The following SPINK1 variants were observed in gnomAD, a reference collection of about 807,000 sequenced individuals.
SPINK1 encodes serine peptidase inhibitor Kazal type 1, also known as serine protease inhibitor Kazal-type 1.
A neutral mutation model predicts 9.5 loss-of-function variants in SPINK1; 5 were observed. The ratio of observed to expected loss-of-function variants is 0.52; its 90% confidence interval spans 0.27 to 1.10. The LOEUF (loss-of-function observed/expected upper bound fraction) is 1.10. SPINK1 is among the 50% of genes least tolerant of loss of function. The pLI is 0.11. For synonymous variants in SPINK1, 37 were observed against 32.3 expected (o/e 1.14, Z -0.49); for missense variants, 88 against 92.7 (o/e 0.95, Z 0.21).
chr5:147,837,268 A>C, the SPINK1 span, among the ~76,000 whole-genome samples: 2 of 152,208 alleles, frequency 1.3e-5, no homozygotes, highest in Non-Finnish European at 2.9e-5. Flanking sequence ...ATTATCCTTA[A>C]ATCATCTCTT....
At chr5:147,834,850 G>A (rs1056885253), upstream of SPINK1, among the ~76,000 whole-genome samples, 1 of 152,106 alleles carries the variant, frequency 6.6e-6, no homozygotes, top group Admixed American at 6.5e-5. Flanking sequence ...TGCATTATAT[G>A]TAGATATGTG....
the SPINK1 span, among the ~76,000 whole-genome samples, chr5:147,838,467 G>A: frequency 6.6e-6 from 1 of 152,018 alleles, no homozygotes; most frequent in African/African-American, 2.4e-5. Context: ...AACCTCTTAT[G>A]TCTTATTAAT....
Position 147,831,617 on chromosome 5 carries a change from C to G in SPINK1, c.-40G>C. On this transcript the variant is annotated 5_prime_UTR_variant, in exon 1 of 4. Coordinates refer to ENST00000296695, the MANE Select transcript of SPINK1 (RefSeq NM_001379610.1). ...GTCCAGAGGTCAGTTGAAAACTGCACCGCACTTACCACGTCTCTTCAGAAG... is the reference window on the plus strand; with the variant it reads ...GTCCAGAGGTCAGTTGAAAACTGCAGCGCACTTACCACGTCTCTTCAGAAG... 6.2e-7 allele frequency: 1 copy of G among 1,611,354 alleles called. No individual in the cohort carries two copies. Among genetic ancestry groups the G allele is most frequent in the Non-Finnish European group, 8.5e-7 (1 of 1,179,070 alleles).
upstream of SPINK1, among the ~76,000 whole-genome samples, chr5:147,835,499 A>G (rs893217570): frequency 6.6e-6 from 1 of 152,128 alleles, no homozygotes. Flanking sequence ...ATGTGTTTAC[A>G]TTGCTCAACC....
At chr5:147,825,152 A>G (rs2127130100) in intron 3 of SPINK1, among the ~76,000 whole-genome samples, 1 of 152,316 alleles carries the variant, frequency 6.6e-6, no homozygotes, top group Middle Eastern at 3.4e-3. Flanking sequence ...TCACAAAAGT[A>G]AATCACATAT....
chr5:147,835,890 C>A (rs1464827331), upstream of SPINK1, among the ~76,000 whole-genome samples: 1 of 152,114 alleles, frequency 6.6e-6, no homozygotes, highest in African/African-American at 2.4e-5. Context: ...TAGGGAACTT[C>A]ATGGCTTTTC....
chr5:147,837,712 T>TCTTTCTTC, the SPINK1 span, among the ~76,000 whole-genome samples: 1 of 147,256 alleles, frequency 6.8e-6, no homozygotes, highest in Non-Finnish European at 1.5e-5. Context: ...TTTCTTTCTT[T>TCTTTCTTC]CTTTTTTGGG....
chr5:147,836,733 C>T, the SPINK1 span, among the ~76,000 whole-genome samples: 1 of 152,172 alleles, frequency 6.6e-6, no homozygotes, highest in African/African-American at 2.4e-5. Context: ...CTTTCTTGGT[C>T]ATTTCCCGCC....
At chr5:147,835,557 T>G (rs4705204), upstream of SPINK1, among the ~76,000 whole-genome samples, 33,088 of 151,944 alleles carry the variant, frequency 0.22, 3,946 homozygotes, top group East Asian at 0.54. Flanking sequence ...AGTACATATT[T>G]ATGCATGTCT....
intron 3 of SPINK1, among the ~76,000 whole-genome samples, chr5:147,824,983 C>T (rs1004395445): frequency 1.3e-5 from 2 of 151,952 alleles, no homozygotes; most frequent in Non-Finnish European, 2.9e-5. Context: ...TACAGTGAAC[C>T]CCTGAAATTA....
At chr5:147,834,380 T>C (rs1382340212), upstream of SPINK1, among the ~76,000 whole-genome samples, 3 of 152,182 alleles carry the variant, frequency 2.0e-5, no homozygotes, top group Non-Finnish European at 4.4e-5. Flanking sequence ...ACTATTAATA[T>C]ATTCAAATAT....
Position 147,824,626 on chromosome 5 carries a change from C to T in SPINK1, c.*35G>A, listed in dbSNP as rs752062590. 9 of 1,609,004 alleles carry T rather than the reference C, an allele frequency of 5.6e-6. No individual in the cohort carries two copies. Among genetic ancestry groups the T allele is most frequent in the East Asian group, 4.5e-5 (2 of 44,832 alleles). Reference sequence around the variant, plus strand: ...TTCAACAATAAGGCCAGTCAGGCCTCGCGGTGACCTGATGGGATTTCAAAA... The same window carrying T: ...TTCAACAATAAGGCCAGTCAGGCCTTGCGGTGACCTGATGGGATTTCAAAA... On this transcript the variant is annotated 3_prime_UTR_variant, in exon 4 of 4. Coordinates refer to ENST00000296695, the MANE Select transcript of SPINK1 (RefSeq NM_001379610.1).
At chr5:147,831,970 A>G (rs1271627590), upstream of SPINK1, among the ~76,000 whole-genome samples, 1 of 152,246 alleles carries the variant, frequency 6.6e-6, no homozygotes, top group Non-Finnish European at 1.5e-5. Flanking sequence ...ATAGATGAGC[A>G]GGTATGGATA....
chr5:147,831,818 A>G (rs1224620846), upstream of SPINK1: 1 of 1,382,530 alleles, frequency 7.2e-7, no homozygotes, highest in African/African-American at 1.5e-5. Context: ...CATGCAAGGC[A>G]AAGATTCTGT....
upstream of SPINK1, among the ~76,000 whole-genome samples, chr5:147,836,007 C>T (rs374374121): frequency 7.9e-5 from 12 of 152,086 alleles, no homozygotes; most frequent in East Asian, 9.7e-4. Flanking sequence ...GTCTGTGGTG[C>T]TTGATGCAAT....
At chr5:147,833,662 C>T (rs78661818), upstream of SPINK1, among the ~76,000 whole-genome samples, 4,418 of 152,208 alleles carry the variant, frequency 0.029, 235 homozygotes, top group African/African-American at 0.1. Context: ...TCCTTTCCCC[C>T]TGGGTTTCTG....
At chr5:147,828,277 G>A in intron 2 of SPINK1, 149 bp from the exon 3 acceptor site, 1 of 742,940 alleles carries the variant, frequency 1.3e-6, no homozygotes, top group Non-Finnish European at 2.3e-6. Context: ...CTACTATCTG[G>A]AGACAGAAAA....
chr5:147,832,950 A>G (rs1383661633), upstream of SPINK1, among the ~76,000 whole-genome samples: 5 of 152,244 alleles, frequency 3.3e-5, no homozygotes, highest in Admixed American at 3.3e-4. Flanking sequence ...CAAGTGACAA[A>G]AAATAATAAG....
At chr5:147,829,956 CT>C (rs1338281660) in intron 1 of SPINK1, among the ~76,000 whole-genome samples, 1 of 152,164 alleles carries the variant, frequency 6.6e-6, no homozygotes, top group East Asian at 1.9e-4. Context: ...AGCAAATTAT[CT>C]TTTGAATACT....
Sources: allele counts gnomAD v4.1 joint callset (sites outside exome capture counted in the v4.1 genomes callset), GRCh38; gene constraint gnomAD v4.1.1; transcripts MANE v1.5; gene names NCBI Gene and HGNC (gene_info 2026-07-23, HGNC 2026-07-21).